Variants in RARB observed in about 807,000 individuals in gnomAD.
The protein encoded by RARB is HBV-activated protein.
Under a neutral mutation model 51.9 loss-of-function variants are expected in RARB, and 17 were observed. The ratio of observed to expected loss-of-function variants is 0.33; its 90% CI spans 0.22 to 0.49. The LOEUF is 0.49. RARB is among the 20% of genes least tolerant of loss of function. RARB has a pLI of 0.99. For missense variants in RARB, 369 were observed against 550.8 expected (o/e 0.67, Z 3.30); for synonymous variants, 215 against 195.4 (o/e 1.10, Z -0.84).
At chr3:24,953,747 A>G (rs1185936754) in intron 2 of RARB, among the ~76,000 whole-genome samples, 6 of 151,914 alleles carry the variant, frequency 3.9e-5, no homozygotes, top group African/African-American at 1.5e-4. Context: ...AACTCTCTTT[A>G]CTCCCACCTC....
chr3:25,121,961 G>A (rs890817185), intron 3 of RARB, among the ~76,000 whole-genome samples: 3 of 152,084 alleles, frequency 2.0e-5, no homozygotes, highest in African/African-American at 7.2e-5. Context: ...CCTAAGAAAA[G>A]CAGCGCTGTA....
Position 25,428,491 on chromosome 3 carries a change from C to T in RARB, c.-241C>T, listed in dbSNP as rs1167800138. Reference sequence around the variant, plus strand: ...GAGAACTTGGGATCTTTCTGGGAACCCCCCGCCCCGGCTGGATTGGCCGAG... The same window carrying T: ...GAGAACTTGGGATCTTTCTGGGAACTCCCCGCCCCGGCTGGATTGGCCGAG... On this transcript the variant is annotated 5_prime_UTR_variant, in exon 1 of 8. Coordinates refer to ENST00000330688, the MANE Select transcript of RARB (RefSeq NM_000965.5). The T allele has an allele frequency of 3.2e-6, 4 of 1,268,392 alleles. No homozygotes were observed. The highest frequency in any genetic ancestry group is 4.0e-6 in the Non-Finnish European group (4 of 1,008,538). 78.6% of individuals were successfully genotyped at this position (1,268,392 alleles called of 1,614,324 possible).
chr3:24,967,169 C>G (rs1330837779), intron 2 of RARB, among the ~76,000 whole-genome samples: 1 of 151,992 alleles, frequency 6.6e-6, no homozygotes, highest in Non-Finnish European at 1.5e-5. Flanking sequence ...TAGTAATGGC[C>G]AGAGCTGCCT....
At chr3:25,044,324 A>G (rs996137580) in intron 2 of RARB, among the ~76,000 whole-genome samples, 7 of 152,206 alleles carry the variant, frequency 4.6e-5, no homozygotes, top group African/African-American at 1.4e-4. Flanking sequence ...TCAACTTTTT[A>G]AAATGACAGG....
At chr3:24,858,656 A>G (rs1702678547) in intron 1 of RARB, 1 of 152,156 alleles carries the variant, frequency 6.6e-6, no homozygotes, top group Non-Finnish European at 1.5e-5. Context: ...TGCTAAATGA[A>G]AACCATTGTT....
chr3:24,913,999 C>T (rs1695055024), intron 2 of RARB, among the ~76,000 whole-genome samples: 1 of 152,178 alleles, frequency 6.6e-6, no homozygotes, highest in African/African-American at 2.4e-5. Flanking sequence ...ACAAGTCAGC[C>T]AGATGCAAAA....
chr3:25,218,990 C>A lies in RARB; in HGVS notation c.178+44415C>A, dbSNP rs1701890157. 2.0e-5 allele frequency among the ~76,000 whole-genome samples: 3 copies of A among 152,156 alleles called. No individual in the cohort carries two copies. In the South Asian group the frequency reaches 6.2e-4, roughly 32 times the overall value. On this transcript the variant is annotated intron_variant, in intron 5 of 11. Transcript: ENST00000383772. ...TTGGCCTTTGCACCTGGATTTCCAGCTGATACAGGCACTTGAAGCTTATTT... is the reference window on the plus strand; with the variant it reads ...TTGGCCTTTGCACCTGGATTTCCAGATGATACAGGCACTTGAAGCTTATTT...
At chr3:25,257,139 G>A (rs555135678) in intron 5 of RARB, among the ~76,000 whole-genome samples, 1 of 152,208 alleles carries the variant, frequency 6.6e-6, no homozygotes, top group South Asian at 2.1e-4. Flanking sequence ...ACATATGATG[G>A]TTGACAGTAA....
chr3:25,214,517 A>G (rs994153132), intron 5 of RARB, among the ~76,000 whole-genome samples: 3 of 152,254 alleles, frequency 2.0e-5, no homozygotes, highest in Non-Finnish European at 4.4e-5. Context: ...TACATAAAAT[A>G]TGAACATCCA....
intron 5 of RARB, among the ~76,000 whole-genome samples, chr3:25,238,157 C>CA (rs1553647349): frequency 6.6e-6 from 1 of 151,906 alleles, no homozygotes; most frequent in East Asian, 1.9e-4. Context: ...AGCGCCCCCC[C>CA]ACACATCCTT....
chr3:24,911,105 G>A (rs187646321), intron 2 of RARB, among the ~76,000 whole-genome samples: 8 of 152,074 alleles, frequency 5.3e-5, no homozygotes, highest in African/African-American at 1.4e-4. Context: ...GCCTTATTGC[G>A]TTTCATTATG....
At chr3:24,875,609 T>C (rs987681663) in intron 2 of RARB, among the ~76,000 whole-genome samples, 1 of 152,116 alleles carries the variant, frequency 6.6e-6, no homozygotes, top group Non-Finnish European at 1.5e-5. Context: ...AAATGTTGTT[T>C]TAGTGTGAAA....
chr3:25,187,868 G>A (rs529079398), intron 5 of RARB, among the ~76,000 whole-genome samples: 1 of 152,036 alleles, frequency 6.6e-6, no homozygotes, highest in Admixed American at 6.6e-5. Flanking sequence ...ATAAATAAAT[G>A]TTTTAGTGTG....
chr3:25,053,245 T>C (rs570675720), intron 2 of RARB, among the ~76,000 whole-genome samples: 1 of 152,304 alleles, frequency 6.6e-6, no homozygotes, highest in African/African-American at 2.4e-5. Context: ...TATCCCTTCA[T>C]ACAATCACAT....
chr3:25,147,549 A>T (rs1700214124), intron 4 of RARB, among the ~76,000 whole-genome samples: 1 of 152,346 alleles, frequency 6.6e-6, no homozygotes, highest in East Asian at 1.9e-4. Context: ...CCAGTTTTGA[A>T]TGAAAGAAAA....
intron 2 of RARB, among the ~76,000 whole-genome samples, chr3:24,860,517 C>A (rs1026651383): frequency 6.6e-6 from 1 of 152,082 alleles, no homozygotes; most frequent in Non-Finnish European, 1.5e-5. Context: ...CATAGCTATT[C>A]CTCAGTGTAG....
At chr3:25,454,385 G>C (rs1461611403) in intron 1 of RARB, among the ~76,000 whole-genome samples, 1 of 152,202 alleles carries the variant, frequency 6.6e-6, no homozygotes, top group Non-Finnish European at 1.5e-5. Context: ...TTGACCAAAC[G>C]CAACTTTGCT....
At chr3:25,287,661 C>G (rs1242406968) in intron 5 of RARB, among the ~76,000 whole-genome samples, 1 of 152,180 alleles carries the variant, frequency 6.6e-6, no homozygotes. Context: ...GGATCTTCCC[C>G]TTTGTCAACT....
intron 2 of RARB, among the ~76,000 whole-genome samples, chr3:24,884,345 C>G (rs1172473984): frequency 6.6e-6 from 1 of 152,060 alleles, no homozygotes; most frequent in Non-Finnish European, 1.5e-5. Context: ...ATTAGAGAAC[C>G]TACTTATTGT....
Sources: allele counts gnomAD v4.1 joint callset (sites outside exome capture counted in the v4.1 genomes callset), GRCh38; gene constraint gnomAD v4.1.1; transcripts MANE v1.5; gene names NCBI Gene and HGNC (gene_info 2026-07-23, HGNC 2026-07-21).